Variants in ARSB observed in about 807,000 individuals in gnomAD.
The protein encoded by ARSB is N-acetylgalactosamine-4-sulfatase.
A neutral mutation model predicts 50.9 loss-of-function variants in ARSB; 41 were observed. The ratio of observed to expected loss-of-function variants is 0.81; its 90% CI spans 0.63 to 1.04. The LOEUF is 1.04. Ranked by LOEUF, ARSB falls within the 50% of genes least tolerant of loss-of-function variation. ARSB has a pLI of 0.00. For missense variants in ARSB, 672 were observed against 693.3 expected (o/e 0.97, Z 0.35); for synonymous variants, 269 against 284.8 (o/e 0.94, Z 0.56).
At chr5:78,930,437 A>G (rs974062411) in intron 4 of ARSB, among the ~76,000 whole-genome samples, 19 of 94,272 alleles carry the variant, frequency 2.0e-4, no homozygotes, top group African/African-American at 1.1e-3. Context: ...GAAACAAAAG[A>G]AAAAGAAAAA....
At chr5:78,801,172 T>C (rs1743380464) in intron 6 of ARSB, among the ~76,000 whole-genome samples, 2 of 152,200 alleles carry the variant, frequency 1.3e-5, no homozygotes, top group Non-Finnish European at 2.9e-5. Context: ...ATCTCCATGT[T>C]CATTATACTC....
intron 4 of ARSB, among the ~76,000 whole-genome samples, chr5:78,913,963 A>AT (rs200423948): frequency 0.069 from 9,564 of 138,186 alleles, 676 homozygotes; most frequent in African/African-American, 0.18. Flanking sequence ...CAATACCATG[A>AT]TTTTTTTTTT....
intron 5 of ARSB, among the ~76,000 whole-genome samples, chr5:78,850,353 G>C (rs77878322): frequency 1.3e-5 from 2 of 151,882 alleles, no homozygotes; most frequent in African/African-American, 4.8e-5. Context: ...TTATATGCTG[G>C]ATTACATTTA....
At chr5:78,864,666 AC>A (rs1439766518) in intron 5 of ARSB, among the ~76,000 whole-genome samples, 5 of 152,204 alleles carry the variant, frequency 3.3e-5, no homozygotes, top group Middle Eastern at 3.2e-3. Context: ...TCAAAAGTCC[AC>A]ATTCCAAAGT....
chr5:78,836,815 T>C (rs1196460981), intron 6 of ARSB, among the ~76,000 whole-genome samples: 2 of 152,088 alleles, frequency 1.3e-5, no homozygotes, highest in Admixed American at 1.3e-4. Flanking sequence ...GTTTAATTGG[T>C]TCAGGGTTCC....
intron 5 of ARSB, among the ~76,000 whole-genome samples, chr5:78,850,670 T>C (rs1364371796): frequency 1.3e-5 from 2 of 152,132 alleles, no homozygotes; most frequent in Admixed American, 6.6e-5. Flanking sequence ...TAGAATTTGG[T>C]TGTGAATCCA....
chr5:78,780,722 A>C, intron 7 of ARSB, 60 bp from the exon 8 acceptor site: 11 of 1,600,436 alleles, frequency 6.9e-6, no homozygotes, highest in Non-Finnish European at 8.5e-6. Flanking sequence ...TTCTAATTTC[A>C]GGGAAGGAGT....
chr5:78,785,955 TAA>T (rs1206466267), intron 6 of ARSB, among the ~76,000 whole-genome samples: 5 of 152,200 alleles, frequency 3.3e-5, no homozygotes, highest in Non-Finnish European at 5.9e-5. Context: ...TAGGGAGACA[TAA>T]GAGGAATTTA....
At chr5:78,797,158 G>T (rs1202342269) in intron 6 of ARSB, among the ~76,000 whole-genome samples, 1 of 152,070 alleles carries the variant, frequency 6.6e-6, no homozygotes, top group Non-Finnish European at 1.5e-5. Context: ...GATTACAGGC[G>T]TGAGCCACCG....
intron 4 of ARSB, among the ~76,000 whole-genome samples, chr5:78,921,289 C>CGTAT (rs1189598318): frequency 1.3e-5 from 2 of 152,130 alleles, no homozygotes; most frequent in African/African-American, 4.8e-5. Context: ...CAAAACAATA[C>CGTAT]CCACTGGGCA....
At chr5:78,910,031 G>C (rs1316950043) in intron 4 of ARSB, among the ~76,000 whole-genome samples, 1 of 152,246 alleles carries the variant, frequency 6.6e-6, no homozygotes, top group Non-Finnish European at 1.5e-5. Context: ...AAGCATAAAT[G>C]TGGCCTACAT....
intron 5 of ARSB, among the ~76,000 whole-genome samples, chr5:78,864,193 G>A (rs538955397): frequency 5.3e-5 from 8 of 152,124 alleles, no homozygotes; most frequent in African/African-American, 1.9e-4. Flanking sequence ...GTATTAGTCC[G>A]TTTTCATGCT....
chr5:78,844,038 C>A (rs1426285544), intron 5 of ARSB, among the ~76,000 whole-genome samples: 1 of 152,012 alleles, frequency 6.6e-6, no homozygotes, highest in Non-Finnish European at 1.5e-5. Flanking sequence ...TTTGTGTGGG[C>A]ATTCGTTTTC....
intron 6 of ARSB, among the ~76,000 whole-genome samples, chr5:78,804,557 G>A (rs1293767908): frequency 2.6e-5 from 4 of 152,092 alleles, no homozygotes; most frequent in African/African-American, 9.7e-5. Flanking sequence ...AGAGCTCAGA[G>A]GGATCAGGAG....
chr5:78,827,083 G>A (rs1029663902), intron 6 of ARSB, among the ~76,000 whole-genome samples: 9 of 151,976 alleles, frequency 5.9e-5, no homozygotes, highest in Non-Finnish European at 7.4e-5. Context: ...CCAGATCAAC[G>A]GCTCCATCAA....
intron 4 of ARSB, among the ~76,000 whole-genome samples, chr5:78,886,373 C>A (rs1264421761): frequency 6.6e-6 from 1 of 152,154 alleles, no homozygotes; most frequent in East Asian, 1.9e-4. Context: ...AGTGTGAAAG[C>A]TGAGTATTTC....
chr5:78,798,750 G>A (rs1743271552), intron 6 of ARSB, among the ~76,000 whole-genome samples: 2 of 152,178 alleles, frequency 1.3e-5, no homozygotes, highest in Non-Finnish European at 2.9e-5. Context: ...TGCCCCCTCC[G>A]GGAAGCTTGG....
intron 1 of ARSB, among the ~76,000 whole-genome samples, chr5:78,976,565 C>CTT (rs1752681009): frequency 1.3e-5 from 2 of 152,156 alleles, no homozygotes; most frequent in Admixed American, 6.5e-5. Flanking sequence ...ACCTAGGCCT[C>CTT]CCAAATTGCT....
intron 5 of ARSB, among the ~76,000 whole-genome samples, chr5:78,854,041 G>T (rs1048024226): frequency 6.6e-6 from 1 of 152,232 alleles, no homozygotes; most frequent in East Asian, 1.9e-4. Flanking sequence ...CCCTGCTTAG[G>T]CTTGCGCATG....
Sources: gnomAD v4.1 joint callset for allele counts (sites outside exome capture counted in the v4.1 genomes callset) on GRCh38, gnomAD v4.1.1 for gene constraint, MANE v1.5 for transcripts, NCBI Gene and HGNC (gene_info 2026-07-23, HGNC 2026-07-21) for gene names.